The following TLL1 variants were observed in gnomAD, a reference collection of about 807,000 sequenced individuals.
TLL1 encodes tolloid-like protein 1.
TLL1 carries 49 observed loss-of-function variants against 128.2 expected under a neutral mutation model. The ratio of observed to expected loss-of-function variants is 0.38; its 90% CI spans 0.30 to 0.48. TLL1 has a LOEUF of 0.48. TLL1 is among the 20% of genes least tolerant of loss of function. The pLI is 0.96. For synonymous variants in TLL1, 454 were observed against 418.8 expected (o/e 1.08, Z -1.03); for missense variants, 1,123 against 1,242.0 (o/e 0.90, Z 1.44).
chr4:165,973,066 A>T (rs542306313), intron 1 of TLL1, among the ~76,000 whole-genome samples: 1 of 152,218 alleles, frequency 6.6e-6, no homozygotes, highest in East Asian at 1.9e-4. Context: ...AGCTGTCTGT[A>T]TTAGTCAGGG....
intron 1 of TLL1, among the ~76,000 whole-genome samples, chr4:165,971,162 T>C (rs1028970552): frequency 1.3e-5 from 2 of 152,204 alleles, no homozygotes; most frequent in African/African-American, 2.4e-5. Context: ...ACAACAGGAA[T>C]TGGAATTCAT....
intron 18 of TLL1, among the ~76,000 whole-genome samples, chr4:166,089,768 AT>A (rs959595571): frequency 6.6e-6 from 1 of 152,054 alleles, no homozygotes; most frequent in South Asian, 2.1e-4. Context: ...ATTGGTTATA[AT>A]TTTTTTTATT....
In TLL1 at chr4:166,091,319, C is replaced by T. The variant is rs749987861; in HGVS notation, c.2634C>T (p.Gly878=). 3.1e-6 allele frequency: 5 copies of T among 1,612,520 alleles called. No individual in the cohort carries two copies. In the African/African-American group the frequency reaches 6.7e-5, roughly 22 times the overall value. ...CTGATGCATCTGTTCAAAGAAAAGG[C>T]TTTCAAGCTACACATTCTACAGGTC... ...FVSDASVQRK[G]FQATHSTECG... Residue 878 remains glycine (G), a synonymous_variant, in exon 19 of 21, where the codon GGC becomes GGT. Transcript: ENST00000061240.
intron 7 of TLL1, among the ~76,000 whole-genome samples, chr4:166,008,445 T>C (rs956672248): frequency 6.6e-6 from 1 of 151,568 alleles, no homozygotes; most frequent in African/African-American, 2.4e-5. Flanking sequence ...GCAGTTCTGT[T>C]AAAATGTCAC....
chr4:166,047,456 A>G (rs1013188320), intron 12 of TLL1, among the ~76,000 whole-genome samples: 2 of 150,008 alleles, frequency 1.3e-5, no homozygotes, highest in Non-Finnish European at 3.0e-5. Context: ...GAGCCACCGC[A>G]CCTGGCCTCA....
At chr4:166,075,063 G>A in intron 17 of TLL1, 60 bp downstream of exon 17, 1 of 1,600,336 alleles carries the variant, frequency 6.2e-7, no homozygotes, top group Non-Finnish European at 8.5e-7. Flanking sequence ...TTTGGGTAAA[G>A]CACTGCTTCC....
chr4:165,990,700 T>C (rs181067276), intron 2 of TLL1, among the ~76,000 whole-genome samples: 105 of 152,072 alleles, frequency 6.9e-4, no homozygotes, highest in Middle Eastern at 6.8e-3. Context: ...ATGTACTTTG[T>C]AAGAATAAGG....
At chr4:165,965,350 A>C (rs1400332089) in intron 1 of TLL1, among the ~76,000 whole-genome samples, 1 of 152,192 alleles carries the variant, frequency 6.6e-6, no homozygotes, top group Non-Finnish European at 1.5e-5. Flanking sequence ...ATTTAGAGCT[A>C]TTTCAACCCT....
chr4:166,012,327 C>G (rs908244235), intron 7 of TLL1, among the ~76,000 whole-genome samples: 3 of 150,656 alleles, frequency 2.0e-5, no homozygotes, highest in African/African-American at 7.3e-5. Context: ...TTCCTGACCA[C>G]AAAAAAGAAG....
intron 18 of TLL1, among the ~76,000 whole-genome samples, chr4:166,090,160 CT>C (rs1741694588): frequency 6.6e-6 from 1 of 150,694 alleles, no homozygotes; most frequent in Non-Finnish European, 1.5e-5. Context: ...ATATTTCATA[CT>C]TTTTCATGTT....
In TLL1 at chr4:165,970,648, A is replaced by G. The variant is rs73863513; in HGVS notation, c.170-18733A>G. Among the ~76,000 whole-genome samples the G allele has an allele frequency of 5.4e-3, 828 of 152,274 alleles. 12 individuals are homozygous for G. Among genetic ancestry groups the G allele is most frequent in the African/African-American group, 0.019 (771 of 41,562 alleles). On this transcript the variant is annotated intron_variant, in intron 1 of 20. Transcript: ENST00000061240. ...TTTTTAACCTATTCAAATTTCCCGC[A>G]TACTCTAAAATAAATAAATAAATTA...
At chr4:165,919,692 T>C in intron 1 of TLL1, 1 of 398,732 alleles carries the variant, frequency 2.5e-6, no homozygotes, top group Admixed American at 2.8e-5. Context: ...ATTCTAGGCT[T>C]TCATCCCCAT....
At chr4:165,961,176 A>G (rs774436548) in intron 1 of TLL1, among the ~76,000 whole-genome samples, 17 of 152,076 alleles carry the variant, frequency 1.1e-4, no homozygotes, top group African/African-American at 3.4e-4. Context: ...CACGCTAACA[A>G]TGTTCAAGCT....
chr4:165,937,241 A>C, intron 1 of TLL1, among the ~76,000 whole-genome samples: 1 of 152,154 alleles, frequency 6.6e-6, no homozygotes, highest in East Asian at 1.9e-4. Flanking sequence ...TATTTTTAAC[A>C]ATAAAAAAAC....
intron 1 of TLL1, among the ~76,000 whole-genome samples, chr4:165,941,034 T>A (rs1392029372): frequency 1.3e-5 from 2 of 152,008 alleles, no homozygotes; most frequent in African/African-American, 4.8e-5. Context: ...GATTTTATGA[T>A]CATTTTATAT....
intron 12 of TLL1, among the ~76,000 whole-genome samples, chr4:166,044,878 C>G (rs1322507769): frequency 6.6e-6 from 1 of 152,160 alleles, no homozygotes; most frequent in African/African-American, 2.4e-5. Context: ...TCAGAAAATG[C>G]ATTCATTCCA....
chr4:166,016,526 T>G (rs1737957848), intron 8 of TLL1, among the ~76,000 whole-genome samples: 1 of 152,070 alleles, frequency 6.6e-6, no homozygotes, highest in South Asian at 2.1e-4. Flanking sequence ...TTCTTGGATA[T>G]TTCAGTTATA....
At chr4:165,888,556 T>A (rs894209130) in intron 1 of TLL1, among the ~76,000 whole-genome samples, 18 of 145,102 alleles carry the variant, frequency 1.2e-4, no homozygotes, top group East Asian at 1.9e-4. Context: ...TGGAAAATAT[T>A]TTTTTTTTTT....
intron 8 of TLL1, among the ~76,000 whole-genome samples, chr4:166,024,079 G>C (rs1738374544): frequency 6.6e-6 from 1 of 152,068 alleles, no homozygotes; most frequent in Non-Finnish European, 1.5e-5. Context: ...ATGATTTATA[G>C]AACAGTGCCG....
Sources: gnomAD v4.1 joint callset for allele counts (sites outside exome capture counted in the v4.1 genomes callset) on GRCh38, gnomAD v4.1.1 for gene constraint, MANE v1.5 for transcripts, NCBI Gene and HGNC (gene_info 2026-07-23, HGNC 2026-07-21) for gene names.